The following SCIMP variants were observed in gnomAD, a reference collection of about 807,000 sequenced individuals.
The protein encoded by SCIMP is SLP adaptor and CSK interacting membrane protein, also known as SLP adapter and CSK-interacting membrane protein.
SCIMP carries 18 observed loss-of-function variants against 22.0 expected under a neutral mutation model. That is an observed-to-expected ratio of 0.82 (90% CI 0.56 to 1.21). The LOEUF (loss-of-function observed/expected upper bound fraction) is 1.21. Among genes scored for constraint, SCIMP ranks in the 50% most tolerant of loss-of-function variants. The pLI is 0.00. For synonymous variants in SCIMP, 53 were observed against 62.2 expected (o/e 0.85, Z 0.70); for missense variants, 155 against 171.2 (o/e 0.91, Z 0.53).
At position 5,210,677 on chromosome 17, in the gene SCIMP, G is replaced by A. The variant is rs1315216118; in HGVS notation, c.*124C>T. 2.3e-6 allele frequency: 3 copies of A among 1,304,302 alleles called. No homozygotes were observed. The African/African-American group carries it at 4.4e-5, about 19-fold the overall frequency. 80.8% of individuals were successfully genotyped at this position (1,304,302 alleles called of 1,614,324 possible). A position where few individuals can be genotyped will look rare whatever the true frequency, so the allele number is the denominator to read the frequency against. ...TTTGGGAAGTGCTTTATCTTATAGAGCTTCATAAAATCACCACTGGCTTTC... is the reference window on the plus strand; with the variant it reads ...TTTGGGAAGTGCTTTATCTTATAGAACTTCATAAAATCACCACTGGCTTTC... On this transcript the variant is annotated 3_prime_UTR_variant, in exon 5 of 5. Transcript: ENST00000574081.
intron 1 of SCIMP, among the ~76,000 whole-genome samples, chr17:5,230,965 C>G (rs1380301723): frequency 6.6e-6 from 1 of 152,102 alleles, no homozygotes; most frequent in African/African-American, 2.4e-5. Context: ...GCCTATAGAG[C>G]TAAAAGTCAT....
intron 1 of SCIMP, 151 bp downstream of exon 1, chr17:5,234,584 C>G (rs1162943948): frequency 1.3e-6 from 1 of 758,274 alleles, no homozygotes; most frequent in Non-Finnish European, 2.2e-6. Flanking sequence ...TTTCTCCAAC[C>G]CTACACAGCA....
chr17:5,220,586 A>G (rs930569314), intron 3 of SCIMP, among the ~76,000 whole-genome samples: 2 of 151,846 alleles, frequency 1.3e-5, no homozygotes, highest in African/African-American at 4.8e-5. Context: ...AAAATACAAA[A>G]TACAAAAAGT....
chr17:5,216,657 C>T (rs894742274), intron 3 of SCIMP, among the ~76,000 whole-genome samples: 3 of 152,040 alleles, frequency 2.0e-5, no homozygotes, highest in African/African-American at 7.3e-5. Context: ...CAGAGTGAGA[C>T]TCCATCTCAA....
chr17:5,222,098 T>TG (rs1567840936), intron 2 of SCIMP, among the ~76,000 whole-genome samples: 1 of 150,452 alleles, frequency 6.6e-6, no homozygotes, highest in Non-Finnish European at 1.5e-5. Context: ...ACTTGTTTTT[T>TG]TTTTTTTTTA....
intron 3 of SCIMP, 70 bp downstream of exon 3, chr17:5,221,217 G>T: frequency 8.9e-7 from 1 of 1,122,622 alleles, no homozygotes; most frequent in Non-Finnish European, 1.4e-6. Flanking sequence ...GTACGGTAGT[G>T]GAGGGGCAAG....
intron 1 of SCIMP, among the ~76,000 whole-genome samples, chr17:5,226,899 T>G (rs1331796397): frequency 6.6e-6 from 1 of 151,972 alleles, no homozygotes; most frequent in African/African-American, 2.4e-5. Flanking sequence ...CTAGTTCCAG[T>G]AGGATGTCCT....
At chr17:5,220,824 A>G (rs1320926643) in intron 3 of SCIMP, 3 of 246,562 alleles carry the variant, frequency 1.2e-5, no homozygotes, top group Non-Finnish European at 2.4e-5. Flanking sequence ...TTGAGAAGCC[A>G]AGGTGGGTGG....
intron 3 of SCIMP, among the ~76,000 whole-genome samples, chr17:5,220,178 C>T (rs2074595387): frequency 6.6e-6 from 1 of 152,070 alleles, no homozygotes; most frequent in Non-Finnish European, 1.5e-5. Context: ...TATTTTTCTT[C>T]AGCGCAGTAG....
intron 1 of SCIMP, 113 bp downstream of exon 1, chr17:5,234,622 C>T: frequency 1.8e-6 from 2 of 1,125,768 alleles, no homozygotes; most frequent in South Asian, 2.6e-5. Flanking sequence ...GGCTGCAATC[C>T]CCTGGCCCAG....
At chr17:5,227,997 A>G (rs935448806) in intron 1 of SCIMP, among the ~76,000 whole-genome samples, 1 of 151,934 alleles carries the variant, frequency 6.6e-6, no homozygotes, top group Non-Finnish European at 1.5e-5. Flanking sequence ...ACATGGTGAA[A>G]CCCCGTCTCT....
chr17:5,213,204 A>G, intron 4 of SCIMP: 1 of 983,436 alleles, frequency 1.0e-6, no homozygotes. Flanking sequence ...ACACCCTTAT[A>G]TCAGGCTATT....
At chr17:5,222,997 T>C (rs1597290003) in intron 2 of SCIMP, among the ~76,000 whole-genome samples, 1 of 152,216 alleles carries the variant, frequency 6.6e-6, no homozygotes, top group East Asian at 1.9e-4. Context: ...ATACTTGTGT[T>C]CTCGCAAGAT....
chr17:5,230,765 A>AAAAACAAAACAAAAC (rs746736451), intron 1 of SCIMP, among the ~76,000 whole-genome samples: 5 of 152,118 alleles, frequency 3.3e-5, no homozygotes, highest in African/African-American at 1.2e-4. Flanking sequence ...TACTGAAAAT[A>AAAAACAAAACAAAAC]AAAACAAAAC....
intron 2 of SCIMP, among the ~76,000 whole-genome samples, chr17:5,223,006 A>T (rs1397716410): frequency 1.3e-5 from 2 of 152,114 alleles, no homozygotes; most frequent in African/African-American, 4.8e-5. Context: ...TTCTCGCAAG[A>T]TGCTGTGCGC....
chr17:5,223,202 G>T, intron 2 of SCIMP, 131 bp downstream of exon 2: 2 of 929,826 alleles, frequency 2.2e-6, no homozygotes, highest in Non-Finnish European at 3.3e-6. Context: ...CTCAAACCCA[G>T]AATGCAAGAT....
intron 1 of SCIMP, among the ~76,000 whole-genome samples, chr17:5,227,425 A>C (rs1056116886): frequency 6.7e-6 from 1 of 150,248 alleles, no homozygotes; most frequent in African/African-American, 2.4e-5. Flanking sequence ...CATGTTGGCC[A>C]GGGTGGTCTT....
At chr17:5,233,534 A>G (rs760046500) in intron 1 of SCIMP, among the ~76,000 whole-genome samples, 17 of 152,032 alleles carry the variant, frequency 1.1e-4, no homozygotes, top group Non-Finnish European at 1.9e-4. Context: ...CACCATGCCC[A>G]GCTAATTTTT....
intron 1 of SCIMP, 58 bp downstream of exon 1, chr17:5,234,677 G>A (rs1481408089): frequency 6.3e-7 from 1 of 1,581,098 alleles, no homozygotes; most frequent in Non-Finnish European, 8.7e-7. Context: ...GCCAGCGCTG[G>A]CAGATGTCTG....
Sources: gnomAD v4.1 joint callset for allele counts (sites outside exome capture counted in the v4.1 genomes callset) on GRCh38, gnomAD v4.1.1 for gene constraint, MANE v1.5 for transcripts, NCBI Gene and HGNC (gene_info 2026-07-23, HGNC 2026-07-21) for gene names.